Variants in CYP2R1 observed in about 807,000 individuals in gnomAD.
The protein encoded by CYP2R1 is cytochrome P450 family 2 subfamily R member 1.
A neutral mutation model predicts 45.7 loss-of-function variants in CYP2R1; 40 were observed. That is an observed-to-expected ratio of 0.87 (90% CI 0.68 to 1.14). The LOEUF (loss-of-function observed/expected upper bound fraction) is 1.14. CYP2R1 is among the 50% of genes most tolerant of loss of function. The pLI is 0.00. For synonymous variants in CYP2R1, 234 were observed against 219.3 expected (o/e 1.07, Z -0.59); for missense variants, 605 against 602.6 (o/e 1.00, Z -0.04).
At chr11:14,889,487 A>G (rs1555015883) in intron 1 of CYP2R1, among the ~76,000 whole-genome samples, 1 of 152,166 alleles carries the variant, frequency 6.6e-6, no homozygotes, top group African/African-American at 2.4e-5. Flanking sequence ...GAGGCAAACA[A>G]TGTCTACTCT....
chr11:14,885,659 A>T (rs1848586161), intron 2 of CYP2R1, 117 bp downstream of exon 2: 1 of 1,115,968 alleles, frequency 9.0e-7, no homozygotes, highest in East Asian at 2.6e-5. Context: ...TTCTGTAAAT[A>T]AATAGTTTCT....
chr11:14,892,127 C>T lies in CYP2R1; in HGVS notation c.79G>A (p.Val27Ile), dbSNP rs1471030024. 1.9e-6 allele frequency: 3 copies of T among 1,611,588 alleles called. No individual in the cohort carries two copies. The highest frequency in any genetic ancestry group is 4.5e-5 in the East Asian group (2 of 44,854). The change falls in exon 1 of 5, where the codon GTC (valine) becomes ATC (isoleucine). Residue 27 changes from valine to isoleucine, a missense_variant. Coordinates refer to ENST00000334636, the MANE Select transcript of CYP2R1 (RefSeq NM_024514.5). ...CGCCTCTGCTTCAGCAGCTGGCGGA[C>T]CCCTAGCGCGAAGAGCAGCAGGAAG... ...ALFLLLFALGVRQLLKQRRPM... is the reference protein window; with the variant it reads ...ALFLLLFALGIRQLLKQRRPM...
intron 1 of CYP2R1, among the ~76,000 whole-genome samples, chr11:14,889,441 A>T (rs2134096623): frequency 6.6e-6 from 1 of 152,340 alleles, no homozygotes; most frequent in Admixed American, 6.5e-5. Context: ...TAGAGTTAAT[A>T]TGTTTGGTGG....
chr11:14,878,346 C>T, intron 4 of CYP2R1, 49 bp from the exon 5 acceptor site: 2 of 1,561,200 alleles, frequency 1.3e-6, no homozygotes, highest in Admixed American at 1.7e-5. Context: ...ACAATCTTTA[C>T]CAAAATTAAT....
Position 14,880,508 on chromosome 11 carries a change from T to A in CYP2R1, c.628A>T (p.Met210Leu). Residue 210 changes from methionine to leucine, a missense_variant, in exon 3 of 5, where the codon ATG (methionine) becomes TTG (leucine). Physicochemically the swap from Met to Leu is conservative, Grantham distance 15 (BLOSUM62 2). Coordinates refer to ENST00000334636, the MANE Select transcript of CYP2R1 (RefSeq NM_024514.5). ...FTYEDTDFQH[M>L]IELFSENVEL... ...ACATTTTCACTAAATAACTCAATCA[T>A]GTGCTGAAAATCGGTGTCTTCATAA... is the stretch of plus-strand genomic sequence containing the variant. 2 of 1,613,430 alleles carry A rather than the reference T, an allele frequency of 1.2e-6. No homozygotes were observed.
intron 2 of CYP2R1, among the ~76,000 whole-genome samples, chr11:14,883,858 C>A (rs1246727821): frequency 5.3e-5 from 8 of 152,172 alleles, no homozygotes; most frequent in Admixed American, 6.5e-5. Context: ...ACCCCATCAA[C>A]AAGTGGGCGA....
intron 3 of CYP2R1, 132 bp from the exon 4 acceptor site, chr11:14,879,575 TTTA>T (rs782190469): frequency 1.5e-6 from 1 of 657,690 alleles, no homozygotes; most frequent in Admixed American, 2.7e-5. Context: ...ATTCAGATTT[TTTA>T]TTATCTGGGC....
At position 14,885,809 on chromosome 11, in the gene CYP2R1, G is replaced by A; in HGVS notation, c.334C>T (p.Leu112Phe). The A allele has an allele frequency of 6.2e-7, 1 of 1,613,140 alleles. No homozygotes were observed. Among genetic ancestry groups the A allele is most frequent in the Non-Finnish European group, 8.5e-7 (1 of 1,179,764 alleles). The change falls in exon 2 of 5, where the codon CTT becomes TTT. Residue 112 changes from leucine to phenylalanine, a missense_variant. Transcript: ENST00000334636. ...TTTGTCATCTTCATGAATAAAGGAA[G>A]GCATGGTCTGTCTGCAAAAATTTCG... Reference protein sequence around the residue: ...QSEIFADRPCLPLFMKMTKMG... With the variant: ...QSEIFADRPCFPLFMKMTKMG...
intron 3 of CYP2R1, among the ~76,000 whole-genome samples, 160 bp downstream of exon 3, chr11:14,879,976 T>C (rs899038968): frequency 2.6e-5 from 4 of 152,114 alleles, no homozygotes; most frequent in Non-Finnish European, 5.9e-5. Context: ...ATTGAGATAA[T>C]AGATTTGAAA....
intron 2 of CYP2R1, among the ~76,000 whole-genome samples, chr11:14,885,046 C>T (rs1186246882): frequency 6.6e-6 from 1 of 151,998 alleles, no homozygotes; most frequent in African/African-American, 2.4e-5. Flanking sequence ...TAATTTTTGC[C>T]TTTTCAACCA....
In CYP2R1 at chr11:14,880,180, A is replaced by T; in HGVS notation, c.956T>A (p.Leu319Gln). 6.2e-7 allele frequency: 1 copy of T among 1,612,968 alleles called. No individual in the cohort carries two copies. Among genetic ancestry groups the T allele is most frequent in the Non-Finnish European group, 8.5e-7 (1 of 1,179,322 alleles). ...IAGTETTTNV[L>Q]RWAILFMALY... Reference sequence around the variant, plus strand: ...GGCCATGAAAAGAATCGCCCACCGTAGCACATTGGTTGTAGTTTCAGTTCC... The same window carrying T: ...GGCCATGAAAAGAATCGCCCACCGTTGCACATTGGTTGTAGTTTCAGTTCC... The change falls in exon 3 of 5, where the codon CTA becomes CAA. Residue 319 changes from leucine (L) to glutamine (Q), a missense_variant. Leu to Gln is a moderately radical substitution (Grantham distance 113, BLOSUM62 -2). Transcript: ENST00000334636.
chr11:14,879,394 A>C lies in CYP2R1; in HGVS notation c.1050T>G (p.Pro350=). The change falls in exon 4 of 5, where the codon CCT becomes CCG. Residue 350 remains proline (P), a synonymous_variant. Transcript: ENST00000334636. ...GCATTTTGCATTTGTCGTCCCAAGA[A>C]GGCTTCCCATTAGGGCCCATAATTA... is the stretch of plus-strand genomic sequence containing the variant. The part of the protein sequence containing the change: ...IDLIMGPNGK[P]SWDDKCKMPY... 1 of 1,608,490 alleles carries C rather than the reference A, an allele frequency of 6.2e-7. No individual in the cohort carries two copies. Among genetic ancestry groups the C allele is most frequent in the Non-Finnish European group, 8.5e-7 (1 of 1,179,432 alleles).
At chr11:14,878,701 C>T (rs1555010613) in intron 4 of CYP2R1, among the ~76,000 whole-genome samples, 1 of 152,066 alleles carries the variant, frequency 6.6e-6, no homozygotes, top group African/African-American at 2.4e-5. Flanking sequence ...GTCTTGTGTA[C>T]CTTTTCACAG....
rs530266065 is a variant in CYP2R1, at chr11:14,877,987, T to C, written c.*135A>G. 9 of 892,670 alleles carry C rather than the reference T, an allele frequency of 1.0e-5. No individual in the cohort carries two copies. Among genetic ancestry groups the C allele is most frequent in the East Asian group, 7.4e-5 (3 of 40,554 alleles). 55.3% of individuals were successfully genotyped at this position (892,670 alleles called of 1,614,324 possible). A position where few individuals can be genotyped will look rare whatever the true frequency, so the allele number is the denominator to read the frequency against. ...AGTGCTTGTTTCTGCTCTAGTACTA[T>C]TTTAAGACACATCTGTGTTCATTTG... On this transcript the variant is annotated 3_prime_UTR_variant, in exon 5 of 5. Transcript: ENST00000334636.
rs781810701 is a variant in CYP2R1, at chr11:14,880,171, G to A, written c.965C>T (p.Ala322Val). Residue 322 changes from alanine (A) to valine (V), a missense_variant, in exon 3 of 5, where the codon GCG (alanine) becomes GTG (valine). Transcript: ENST00000334636. ...TETTTNVLRW[A>V]ILFMALYPNI... ...AGGATAAAGGGCCATGAAAAGAATC[G>A]CCCACCGTAGCACATTGGTTGTAGT... The A allele has an allele frequency of 5.0e-6, 8 of 1,612,650 alleles. No homozygotes were observed. Among genetic ancestry groups the A allele is most frequent in the Middle Eastern group, 1.7e-4 (1 of 6,052 alleles).
chr11:14,883,503 C>T (rs1187955695), intron 2 of CYP2R1, among the ~76,000 whole-genome samples: 1 of 151,214 alleles, frequency 6.6e-6, no homozygotes, highest in African/African-American at 2.4e-5. Context: ...GAAACTGGAT[C>T]CCTTCCTTAC....
intron 1 of CYP2R1, chr11:14,887,018 C>T (rs1310969087): frequency 6.6e-6 from 1 of 152,258 alleles, no homozygotes; most frequent in Non-Finnish European, 1.5e-5. Flanking sequence ...GACTGCCTGC[C>T]ATAAGCAGTG....
chr11:14,884,102 C>T (rs1848506996), intron 2 of CYP2R1, among the ~76,000 whole-genome samples: 2 of 151,990 alleles, frequency 1.3e-5, no homozygotes, highest in East Asian at 2.0e-4. Flanking sequence ...ACTAGTTCAA[C>T]CATTGTGGAA....
At position 14,892,004 on chromosome 11, in the gene CYP2R1, T is replaced by G; in HGVS notation, c.202A>C (p.Lys68Gln). Residue 68 changes from lysine to glutamine, a missense_variant, in exon 1 of 5, where the codon AAG (lysine) becomes CAG (glutamine). Lys to Gln is a moderately conservative substitution (Grantham distance 53). Coordinates refer to ENST00000334636, the MANE Select transcript of CYP2R1 (RefSeq NM_024514.5). ...ACCTCTCCGTACACCTGGCTCTGCTTTCTCATGTAGACATGGGGAAGCTCG... is the reference window on the plus strand; with the variant it reads ...ACCTCTCCGTACACCTGGCTCTGCTGTCTCATGTAGACATGGGGAAGCTCG... ...SSELPHVYMR[K>Q]QSQVYGEIFS... 6.2e-7 allele frequency: 1 copy of G among 1,613,456 alleles called. No individual in the cohort carries two copies. Among genetic ancestry groups the G allele is most frequent in the South Asian group, 1.1e-5 (1 of 91,054 alleles).
Sources: allele counts gnomAD v4.1 joint callset (sites outside exome capture counted in the v4.1 genomes callset), GRCh38; gene constraint gnomAD v4.1.1; transcripts MANE v1.5; gene names NCBI Gene and HGNC (gene_info 2026-07-23, HGNC 2026-07-21).